Variants in PAK1 observed in about 807,000 individuals in gnomAD.
PAK1 encodes the protein serine/threonine-protein kinase PAK 1.
Under a neutral mutation model 67.4 loss-of-function variants are expected in PAK1, and 29 were observed. The ratio of observed to expected loss-of-function variants is 0.43; its 90% CI spans 0.32 to 0.59. The LOEUF is 0.59. Ranked by LOEUF, PAK1 falls within the 20% of genes least tolerant of loss-of-function variation. The probability of loss-of-function intolerance (pLI) is 0.07; values close to 1 mark genes in which losing one functional copy is unlikely to be tolerated. For missense variants in PAK1, 337 were observed against 670.7 expected, an observed-to-expected ratio of 0.50 and a Z score of 5.50; for synonymous variants, 223 against 237.4, an observed-to-expected ratio of 0.94 and a Z score of 0.56.
At position 77,379,207 on chromosome 11, in the gene PAK1, C is replaced by T. The variant is rs762380985; in HGVS notation, c.439+34G>A. The T allele has an allele frequency of 1.9e-6, 3 of 1,550,138 alleles. No homozygotes were observed. In the Admixed American group the frequency reaches 5.5e-5, roughly 29 times the overall value. ...TTTCCCACCCAGATTAAAACCATCT[C>T]TTGCTGAGACTGCCCTGGACGCAGT... On this transcript the variant is annotated intron_variant, in intron 4 of 14. Transcript: ENST00000356341.
intron 5 of PAK1, among the ~76,000 whole-genome samples, chr11:77,371,769 G>A (rs941324601): frequency 1.3e-5 from 2 of 152,198 alleles, no homozygotes; most frequent in Non-Finnish European, 2.9e-5. Flanking sequence ...GGAGAACAAT[G>A]TCCTTGACAG....
the PAK1 span, among the ~76,000 whole-genome samples, chr11:77,519,146 A>G: frequency 6.6e-6 from 1 of 152,200 alleles, no homozygotes; most frequent in South Asian, 2.1e-4. Context: ...GTTTAAATAC[A>G]TGTATTTTTT....
At chr11:77,403,995 C>T (rs1258268042) in intron 1 of PAK1, among the ~76,000 whole-genome samples, 1 of 152,102 alleles carries the variant, frequency 6.6e-6, no homozygotes, top group Admixed American at 6.5e-5. Context: ...CCCCCACTTC[C>T]CTTGTTACTC....
At chr11:77,399,734 C>T (rs1952367977) in intron 1 of PAK1, among the ~76,000 whole-genome samples, 1 of 149,052 alleles carries the variant, frequency 6.7e-6, no homozygotes, top group Non-Finnish European at 1.5e-5. Flanking sequence ...TGGCGGGCGC[C>T]TGTAGTCCCA....
intron 7 of PAK1, 80 bp from the exon 8 acceptor site, chr11:77,353,679 T>C (rs1372555133): frequency 9.1e-7 from 1 of 1,103,426 alleles, no homozygotes; most frequent in Non-Finnish European, 1.4e-6. Flanking sequence ...CCAACCCCTG[T>C]AGCTGGCAAG....
At chr11:77,482,750 G>A in the PAK1 span, among the ~76,000 whole-genome samples, 5 of 151,766 alleles carry the variant, frequency 3.3e-5, no homozygotes, top group Non-Finnish European at 5.9e-5. Flanking sequence ...ACAGGCACTC[G>A]CCACCCTGCT....
chr11:77,518,944 A>T, the PAK1 span, among the ~76,000 whole-genome samples: 2 of 152,214 alleles, frequency 1.3e-5, no homozygotes, highest in South Asian at 4.1e-4. Flanking sequence ...ATTGTGCCAT[A>T]TTTGCTTCAT....
intron 1 of PAK1, among the ~76,000 whole-genome samples, chr11:77,443,518 A>C (rs772534188): frequency 2.6e-5 from 4 of 152,064 alleles, no homozygotes; most frequent in Non-Finnish European, 4.4e-5. Flanking sequence ...AGCCATAATC[A>C]CCAGTGCTTA....
At chr11:77,492,186 C>T in the PAK1 span, among the ~76,000 whole-genome samples, 1 of 151,950 alleles carries the variant, frequency 6.6e-6, no homozygotes, top group Non-Finnish European at 1.5e-5. Flanking sequence ...AGCTCAAAAG[C>T]TAGCCGGGCA....
At chr11:77,498,691 A>ATTTTTTTTT in the PAK1 span, among the ~76,000 whole-genome samples, 11 of 72,072 alleles carry the variant, frequency 1.5e-4, 1 homozygote, top group East Asian at 9.6e-4. Context: ...CTTGCTTGTA[A>ATTTTTTTTT]TTTTTTTTTT....
chr11:77,467,812 T>C (rs112084601), intron 1 of PAK1, among the ~76,000 whole-genome samples: 5,014 of 152,292 alleles, frequency 0.033, 145 homozygotes, highest in African/African-American at 0.077. Context: ...AATGAACAAA[T>C]AGAGATTTAA....
Position 77,461,931 on chromosome 11 carries a change from T to G in PAK1, c.-22+11621A>C, listed in dbSNP as rs189258645. Among the ~76,000 whole-genome samples, 150 of 152,340 alleles carry G rather than the reference T, an allele frequency of 9.8e-4. 3 individuals carry two copies. Among genetic ancestry groups the G allele is most frequent in the Non-Finnish European group, 1.0e-4 (7 of 68,028 alleles). ...GAAGACAAATAGGCCTTCAAGGGTC[T>G]CAGTCCAATGCCATTTTTCAGTAAC... On this transcript the variant is annotated intron_variant, in intron 1 of 14. Transcript: ENST00000356341.
intron 1 of PAK1, among the ~76,000 whole-genome samples, chr11:77,440,484 C>T (rs1956307664): frequency 6.6e-6 from 1 of 152,170 alleles, no homozygotes; most frequent in Admixed American, 6.5e-5. Flanking sequence ...TTAATCTTCA[C>T]AGCAATCCTA....
the PAK1 span, among the ~76,000 whole-genome samples, chr11:77,520,005 C>A: frequency 1.3e-5 from 2 of 151,932 alleles, no homozygotes; most frequent in Non-Finnish European, 2.9e-5. Context: ...GCCTGTGGCC[C>A]CCCCCTCCGC....
At chr11:77,338,703 G>GA (rs1185091870) in intron 11 of PAK1, among the ~76,000 whole-genome samples, 5 of 152,102 alleles carry the variant, frequency 3.3e-5, no homozygotes, top group African/African-American at 1.2e-4. Context: ...GCCGAAAACA[G>GA]AAACAACCCA....
upstream of PAK1, among the ~76,000 whole-genome samples, chr11:77,477,509 T>A (rs1315175324): frequency 7.8e-6 from 1 of 127,778 alleles, no homozygotes; most frequent in Non-Finnish European, 1.5e-5. Context: ...GGTGGGCAGA[T>A]CGCTTGAGCC....
At chr11:77,323,798 T>C (rs888420065) in intron 14 of PAK1, among the ~76,000 whole-genome samples, 4 of 152,172 alleles carry the variant, frequency 2.6e-5, no homozygotes, top group Admixed American at 2.6e-4. Context: ...GGGTTGAATC[T>C]CACAGACACA....
At chr11:77,494,212 C>G in the PAK1 span, among the ~76,000 whole-genome samples, 1 of 152,154 alleles carries the variant, frequency 6.6e-6, no homozygotes, top group African/African-American at 2.4e-5. Flanking sequence ...AATCTGGAAA[C>G]AACCTGAATA....
At chr11:77,429,069 AAAAAAAAAAAAAAAAAAAAAAAAAAC>A (rs1314136385) in intron 1 of PAK1, among the ~76,000 whole-genome samples, 18 of 113,714 alleles carry the variant, frequency 1.6e-4, no homozygotes, top group Admixed American at 1.4e-3. Context: ...AAAAAAAAAA[AAAAAAAAAAAAAAAAAAAAAAAAAAC>A]ACACACACAC....
Sources: allele counts gnomAD v4.1 joint callset (sites outside exome capture counted in the v4.1 genomes callset), GRCh38; gene constraint gnomAD v4.1.1; transcripts MANE v1.5; gene names NCBI Gene and HGNC (gene_info 2026-07-23, HGNC 2026-07-21).